The following FOXP2 variants were observed in gnomAD, a reference collection of about 807,000 sequenced individuals.
FOXP2 encodes forkhead box P2, also known as forkhead box protein P2.
A neutral mutation model predicts 115.8 loss-of-function variants in FOXP2; 12 were observed. The observed-to-expected ratio is 0.10, with a 90% confidence interval of 0.07 to 0.17. The LOEUF (loss-of-function observed/expected upper bound fraction) is 0.17. Among genes scored for constraint, FOXP2 ranks in the 10% least tolerant of loss-of-function variants. The pLI, the probability that FOXP2 is intolerant of heterozygous loss-of-function variation, is 1.00. For synonymous variants in FOXP2, 328 were observed against 297.7 expected, an observed-to-expected ratio of 1.10 and a Z score of -1.05; for missense variants, 629 against 843.5, an observed-to-expected ratio of 0.75 and a Z score of 3.15.
chr7:114,435,440 A>G (rs1440254881), intron 2 of FOXP2, among the ~76,000 whole-genome samples: 1 of 152,200 alleles, frequency 6.6e-6, no homozygotes, highest in African/African-American at 2.4e-5. Context: ...TGCACTTCAT[A>G]CAAAGACTAT....
chr7:114,625,137 A>G (rs1804481077), intron 3 of FOXP2, among the ~76,000 whole-genome samples: 1 of 151,744 alleles, frequency 6.6e-6, no homozygotes, highest in Admixed American at 6.6e-5. Context: ...GAGAATTTTA[A>G]ATCTGTCAGC....
intron 3 of FOXP2, among the ~76,000 whole-genome samples, chr7:114,589,603 T>G (rs914800209): frequency 2.0e-5 from 3 of 152,212 alleles, no homozygotes; most frequent in African/African-American, 7.2e-5. Context: ...AGACTAATAA[T>G]GCACTTCTCA....
chr7:114,513,275 C>G (rs1798165079), intron 2 of FOXP2, among the ~76,000 whole-genome samples: 1 of 152,054 alleles, frequency 6.6e-6, no homozygotes, highest in South Asian at 2.1e-4. Flanking sequence ...ACAGAACCAA[C>G]AAATGGTCAG....
chr7:114,334,928 A>AATATATATATATATAT (rs1425036052), intron 2 of FOXP2, among the ~76,000 whole-genome samples: 42 of 111,780 alleles, frequency 3.8e-4, no homozygotes, highest in East Asian at 1.8e-3. Flanking sequence ...TATATATAGA[A>AATATATATATATATAT]ATCTATATAT....
chr7:114,280,208 A>G (rs954230360), intron 1 of FOXP2, among the ~76,000 whole-genome samples: 3 of 152,064 alleles, frequency 2.0e-5, no homozygotes, highest in African/African-American at 7.2e-5. Flanking sequence ...GCCCCCGTAG[A>G]ATGAATTAAG....
chr7:114,411,171 A>G (rs1476353187), upstream of FOXP2, among the ~76,000 whole-genome samples: 1 of 152,140 alleles, frequency 6.6e-6, no homozygotes, highest in African/African-American at 2.4e-5. Context: ...GAAACCTCAC[A>G]TCGCCAAAGG....
intron 2 of FOXP2, among the ~76,000 whole-genome samples, chr7:114,330,942 A>G (rs1470985070): frequency 6.6e-6 from 1 of 152,172 alleles, no homozygotes; most frequent in Non-Finnish European, 1.5e-5. Context: ...TGAATTACCT[A>G]AATCTAACAA....
intron 3 of FOXP2, among the ~76,000 whole-genome samples, chr7:114,545,571 T>G (rs1032467811): frequency 6.6e-6 from 1 of 152,186 alleles, no homozygotes; most frequent in African/African-American, 2.4e-5. Context: ...CCCTTTGGTA[T>G]TAGAAACCTT....
At chr7:114,362,442 G>A (rs904335322) in intron 2 of FOXP2, among the ~76,000 whole-genome samples, 1 of 152,032 alleles carries the variant, frequency 6.6e-6, no homozygotes, top group African/African-American at 2.4e-5. Flanking sequence ...ACATGTTTCA[G>A]ATGAATACTA....
intron 2 of FOXP2, among the ~76,000 whole-genome samples, chr7:114,387,312 TA>T (rs1474957073): frequency 6.6e-6 from 1 of 152,202 alleles, no homozygotes; most frequent in African/African-American, 2.4e-5. Context: ...AATATTTGGT[TA>T]AAAAATATTC....
chr7:114,379,894 C>A (rs1240618493), intron 2 of FOXP2, among the ~76,000 whole-genome samples: 2 of 152,076 alleles, frequency 1.3e-5, no homozygotes, highest in East Asian at 3.9e-4. Flanking sequence ...TGGTTAGCTG[C>A]AGGCAAAAAT....
At chr7:114,139,760 G>A (rs917621305) in intron 1 of FOXP2, among the ~76,000 whole-genome samples, 2 of 151,664 alleles carry the variant, frequency 1.3e-5, no homozygotes, top group African/African-American at 4.8e-5. Context: ...AATTTTGTTG[G>A]CTTTCTAATC....
chr7:114,092,840 A>G (rs1317069240), intron 1 of FOXP2, among the ~76,000 whole-genome samples: 6 of 151,652 alleles, frequency 4.0e-5, no homozygotes, highest in African/African-American at 7.3e-5. Context: ...TTTGTTTTCA[A>G]TTTTTTTCCT....
At chr7:114,300,131 T>C (rs1376878880) in intron 2 of FOXP2, among the ~76,000 whole-genome samples, 1 of 152,044 alleles carries the variant, frequency 6.6e-6, no homozygotes, top group Non-Finnish European at 1.5e-5. Flanking sequence ...GCTACTAGCT[T>C]TTTCTTATCT....
chr7:114,293,952 A>G (rs1796673680), intron 2 of FOXP2, among the ~76,000 whole-genome samples: 1 of 152,210 alleles, frequency 6.6e-6, no homozygotes, highest in Non-Finnish European at 1.5e-5. Context: ...ATAGATAATT[A>G]ATACATTATA....
At chr7:114,504,190 T>A (rs546579124) in intron 2 of FOXP2, among the ~76,000 whole-genome samples, 7 of 151,730 alleles carry the variant, frequency 4.6e-5, no homozygotes, top group Non-Finnish European at 1.0e-4. Context: ...TATGTTTTTC[T>A]AATTTACTTG....
chr7:114,514,251 A>C (rs536884014), intron 2 of FOXP2, among the ~76,000 whole-genome samples: 37 of 152,196 alleles, frequency 2.4e-4, no homozygotes, highest in African/African-American at 8.9e-4. Flanking sequence ...CATACTTATC[A>C]TTTTGTTATG....
chr7:114,160,468 C>A (rs1212364956), upstream of FOXP2, among the ~76,000 whole-genome samples: 1 of 152,002 alleles, frequency 6.6e-6, no homozygotes, highest in Non-Finnish European at 1.5e-5. Flanking sequence ...ATATACTCTA[C>A]ATAATTTTGG....
intron 3 of FOXP2, among the ~76,000 whole-genome samples, chr7:114,551,593 G>A (rs1206909771): frequency 6.6e-6 from 1 of 152,070 alleles, no homozygotes. Flanking sequence ...ATTTAAAAGG[G>A]ATATTTAAGT....
Sources: gnomAD v4.1 joint callset for allele counts (sites outside exome capture counted in the v4.1 genomes callset) on GRCh38, gnomAD v4.1.1 for gene constraint, MANE v1.5 for transcripts, NCBI Gene and HGNC (gene_info 2026-07-23, HGNC 2026-07-21) for gene names.